The following TRRAP variants were observed in gnomAD, a reference collection of about 807,000 sequenced individuals.
The protein encoded by TRRAP is transformation/transcription domain-associated protein.
TRRAP carries 41 observed loss-of-function variants against 438.8 expected under a neutral mutation model. The observed-to-expected ratio is 0.09, with a 90% CI of 0.07 to 0.12. The LOEUF is 0.12. Ranked by LOEUF, TRRAP falls within the 10% of genes least tolerant of loss-of-function variation. The pLI is 1.00. For synonymous variants in TRRAP, 1,994 were observed against 1,962.9 expected (o/e 1.02, Z -0.42); for missense variants, 3,122 against 5,055.1 (o/e 0.62, Z 11.60).
Position 98,956,390 on chromosome 7 carries a change from G to GT in TRRAP, c.6097-4dup, listed in dbSNP as rs1791613325. The GT allele has an allele frequency of 6.2e-7, 1 of 1,613,688 alleles. No homozygotes were observed. Among genetic ancestry groups the GT allele is most frequent in the Non-Finnish European group, 8.5e-7 (1 of 1,179,916 alleles). ...AGTCAGTAAAACCAAGCGCCTGTGT[G>GT]TTTTTAAGCCGGATTCAGATATGGA... is the stretch of plus-strand genomic sequence containing the variant. On this transcript the variant is annotated splice_polypyrimidine_tract_variant and intron_variant, in intron 42 of 72. Coordinates refer to ENST00000456197, the MANE Select transcript of TRRAP (RefSeq NM_001375524.1). The surrounding 1 kb of genome is among the most constrained non-coding windows in gnomAD (Gnocchi z 4.5).
At chr7:99,008,843 C>T (rs541334863) in intron 70 of TRRAP, among the ~76,000 whole-genome samples, 30 of 152,186 alleles carry the variant, frequency 2.0e-4, no homozygotes, top group African/African-American at 7.0e-4. Flanking sequence ...AAAGAAGCGC[C>T]GAAATTAGAA....
At chr7:98,890,558 T>A (rs1190699533) in intron 4 of TRRAP, 113 bp downstream of exon 4, 7 of 756,662 alleles carry the variant, frequency 9.3e-6, no homozygotes, top group African/African-American at 1.8e-5. Flanking sequence ...TTTTGTCACA[T>A]AAGGATAACT....
chr7:98,993,406 G>T, intron 65 of TRRAP, 132 bp from the exon 66 acceptor site: 2 of 967,200 alleles, frequency 2.1e-6, no homozygotes, highest in South Asian at 1.6e-5. Context: ...GCAGTCCTTG[G>T]GGAAGCGGTC....
chr7:98,880,676 C>T (rs781896298), intron 1 of TRRAP, among the ~76,000 whole-genome samples: 2 of 152,144 alleles, frequency 1.3e-5, no homozygotes, highest in Non-Finnish European at 2.9e-5. Flanking sequence ...ATTCAGATTT[C>T]AGTGTCCATA....
At chr7:98,946,248 A>G (rs1554416785) in intron 33 of TRRAP, among the ~76,000 whole-genome samples, 1 of 149,162 alleles carries the variant, frequency 6.7e-6, no homozygotes, top group Non-Finnish European at 1.5e-5. Context: ...CTATCTGAAT[A>G]CACATAGCTA....
intron 27 of TRRAP, 71 bp downstream of exon 27, chr7:98,933,473 A>T: frequency 6.5e-7 from 1 of 1,534,748 alleles, no homozygotes; most frequent in South Asian, 1.2e-5. Context: ...TTTGTACGCG[A>T]AGACTGGTCA....
intron 18 of TRRAP, among the ~76,000 whole-genome samples, chr7:98,914,991 A>G (rs1554409360): frequency 1.3e-5 from 2 of 152,082 alleles, no homozygotes; most frequent in African/African-American, 2.4e-5. Flanking sequence ...GGATTTGACA[A>G]AACAAAATAA....
Position 98,893,857 on chromosome 7 carries a change from G to C in TRRAP, c.426G>C (p.Gln142His). The change falls in exon 6 of 73, where the codon CAG (glutamine) becomes CAC (histidine). Residue 142 changes from glutamine (Q) to histidine (H), a missense_variant. Coordinates refer to ENST00000456197, the MANE Select transcript of TRRAP (RefSeq NM_001375524.1). ...CLRIIIELHK[Q>H]FRPPITQEIH... ...GAATAATTATTGAGCTACACAAACA[G>C]TTCAGGCCACCGATCACACAAGAAG... 2 of 1,613,742 alleles carry C rather than the reference G, an allele frequency of 1.2e-6. No individual in the cohort carries two copies. The highest frequency in any genetic ancestry group is 1.1e-5 in the South Asian group (1 of 90,930).
chr7:98,907,922 C>T (rs1373358875), intron 13 of TRRAP, among the ~76,000 whole-genome samples: 1 of 150,284 alleles, frequency 6.7e-6, no homozygotes, highest in Non-Finnish European at 1.5e-5. Flanking sequence ...AGCTGCCCTC[C>T]CTGATGTGCT....
chr7:99,011,035 G>A lies in TRRAP; in HGVS notation c.10939-17G>A, dbSNP rs764931122. The A allele has an allele frequency of 8.1e-6, 13 of 1,605,932 alleles. No homozygotes were observed. The highest frequency in any genetic ancestry group is 1.1e-5 in the South Asian group (1 of 90,746). ...TCAGTGAGTGAGATGGGAGTGTCACGGAGCGCTGTGTTTCAGGTCCTCCGC... is the reference window on the plus strand; with the variant it reads ...TCAGTGAGTGAGATGGGAGTGTCACAGAGCGCTGTGTTTCAGGTCCTCCGC... On this transcript the variant is annotated splice_polypyrimidine_tract_variant and intron_variant, in intron 70 of 72. Transcript: ENST00000456197. The surrounding 1 kb of genome is among the most constrained non-coding windows in gnomAD (Gnocchi z 7.1).
rs782185188 is a variant in TRRAP at position 98,956,585 on chromosome 7, T to G, written c.6231+52T>G. 1.9e-6 allele frequency: 3 copies of G among 1,582,612 alleles called. No homozygotes were observed. Among genetic ancestry groups the G allele is most frequent in the Non-Finnish European group, 2.6e-6 (3 of 1,167,466 alleles). On this transcript the variant is annotated intron_variant, in intron 43 of 72. Coordinates refer to ENST00000456197, the MANE Select transcript of TRRAP (RefSeq NM_001375524.1). The surrounding 1 kb of genome is among the most constrained non-coding windows in gnomAD (Gnocchi z 4.5). ...GCTGCGCATTCTGCTGGGAGTTGGT[T>G]CGTTTATTCCCTATATTTAGAATGT...
chr7:98,972,200 C>A (rs1792447987), intron 53 of TRRAP, among the ~76,000 whole-genome samples: 1 of 152,120 alleles, frequency 6.6e-6, no homozygotes, highest in African/African-American at 2.4e-5. Flanking sequence ...GGCTGCCACA[C>A]CCAGCTAATT....
chr7:99,000,104 T>C (rs951445149), intron 67 of TRRAP, among the ~76,000 whole-genome samples: 3 of 152,054 alleles, frequency 2.0e-5, no homozygotes, highest in Non-Finnish European at 4.4e-5. Context: ...GCCTCCCAGG[T>C]TCAAGTGATT....
intron 53 of TRRAP, among the ~76,000 whole-genome samples, chr7:98,974,360 G>A (rs1792551937): frequency 1.3e-5 from 2 of 152,180 alleles, no homozygotes; most frequent in Admixed American, 6.5e-5. Context: ...TTAGACTCTT[G>A]GATTCTAAAT....
At chr7:99,008,237 GACCACCGGGTT>G in intron 69 of TRRAP, 129 bp from the exon 70 acceptor site, 1 of 815,356 alleles carries the variant, frequency 1.2e-6, no homozygotes, top group Non-Finnish European at 2.0e-6. Flanking sequence ...GATGGTGCAT[GACCACCGGGTT>G]CTTCCAGCTA....
At chr7:98,886,938 T>TA (rs1554404070) in intron 3 of TRRAP, among the ~76,000 whole-genome samples, 3 of 152,188 alleles carry the variant, frequency 2.0e-5, no homozygotes, top group Admixed American at 2.0e-4. Context: ...CGTCTTGCTA[T>TA]GGAGTATAGT....
rs908738019 is a variant in TRRAP at position 99,011,837 on chromosome 7, G to A, written c.11338-234G>A. Among the ~76,000 whole-genome samples the A allele has an allele frequency of 1.3e-5, 2 of 152,198 alleles. No homozygotes were observed. The highest frequency in any genetic ancestry group is 2.4e-5 in the African/African-American group (1 of 41,456). On this transcript the variant is annotated intron_variant, in intron 72 of 72. Transcript: ENST00000456197. This position sits in a 1 kb window ranked among gnomAD's most constrained non-coding sequence, Gnocchi z 7.1. ...ATGGCTGCCTTTGTCATCTAGGTCCGCGCTGCCCAACACTGAGGCCTTCTG... is the reference window on the plus strand; with the variant it reads ...ATGGCTGCCTTTGTCATCTAGGTCCACGCTGCCCAACACTGAGGCCTTCTG...
At chr7:98,930,319 G>A (rs1194424280) in intron 24 of TRRAP, 113 bp downstream of exon 24, 2 of 1,322,788 alleles carry the variant, frequency 1.5e-6, no homozygotes, top group African/African-American at 1.5e-5. Context: ...GCTCACGCCT[G>A]TAATCCCAGC....
At chr7:98,951,094 T>TGTG (rs1554418168) in intron 39 of TRRAP, 90 bp downstream of exon 39, 221 of 1,284,768 alleles carry the variant, frequency 1.7e-4, no homozygotes, top group South Asian at 1.5e-3. Context: ...TGTGTGTGTG[T>TGTG]TAAGGGGGTT....
Sources: gnomAD v4.1 joint callset for allele counts (sites outside exome capture counted in the v4.1 genomes callset) on GRCh38, gnomAD v4.1.1 for gene constraint, Gnocchi (gnomAD v3.1) non-coding constraint, MANE v1.5 for transcripts, NCBI Gene and HGNC (gene_info 2026-07-23, HGNC 2026-07-21) for gene names.